Variants in OSBPL9 observed in about 807,000 individuals in gnomAD.
OSBPL9 encodes the protein oxysterol-binding protein-related protein 9.
Under a neutral mutation model 106.6 loss-of-function variants are expected in OSBPL9, and 40 were observed. That is an observed-to-expected ratio of 0.38 (90% CI 0.29 to 0.49). OSBPL9 has a LOEUF of 0.49. Ranked by LOEUF, OSBPL9 falls within the 20% of genes least tolerant of loss-of-function variation. The pLI is 0.97. For synonymous variants in OSBPL9, 269 were observed against 295.4 expected (o/e 0.91, Z 0.92); for missense variants, 609 against 887.2 (o/e 0.69, Z 3.98).
chr1:51,717,818 A>G (rs1475246555), intron 4 of OSBPL9, among the ~76,000 whole-genome samples: 5 of 152,164 alleles, frequency 3.3e-5, no homozygotes, highest in Admixed American at 3.3e-4. Context: ...TCAAAAAACT[A>G]AAAATAGAGC....
intron 12 of OSBPL9, among the ~76,000 whole-genome samples, chr1:51,770,422 C>T (rs1387254539): frequency 2.6e-5 from 4 of 152,086 alleles, no homozygotes; most frequent in Non-Finnish European, 2.9e-5. Flanking sequence ...GGATTACAAG[C>T]CTGAGCCACC....
At chr1:51,745,371 C>T in intron 4 of OSBPL9, 165 bp from the exon 5 acceptor site, 1 of 941,196 alleles carries the variant, frequency 1.1e-6, no homozygotes, top group South Asian at 1.9e-5. Context: ...ATTGATGTAC[C>T]ACTGTTTAAA....
the OSBPL9 span, among the ~76,000 whole-genome samples, chr1:51,559,396 TTC>T: frequency 1.3e-4 from 19 of 150,272 alleles, no homozygotes; most frequent in Admixed American, 6.0e-4. Context: ...TTGTGCAGAA[TTC>T]TCTCTCTCTC....
At chr1:51,536,257 G>A in the OSBPL9 span, among the ~76,000 whole-genome samples, 1 of 151,960 alleles carries the variant, frequency 6.6e-6, no homozygotes, top group Non-Finnish European at 1.5e-5. Flanking sequence ...GCCTGATCCA[G>A]GTAATGCATT....
intron 2 of OSBPL9, among the ~76,000 whole-genome samples, chr1:51,653,291 A>G (rs1646632465): frequency 6.6e-6 from 1 of 152,088 alleles, no homozygotes; most frequent in Non-Finnish European, 1.5e-5. Flanking sequence ...GTCACCAGTC[A>G]GTCTGGTATT....
chr1:51,681,994 G>A (rs1256570204), intron 3 of OSBPL9, among the ~76,000 whole-genome samples: 1 of 152,074 alleles, frequency 6.6e-6, no homozygotes, highest in Non-Finnish European at 1.5e-5. Flanking sequence ...CTGAGGTCAG[G>A]AGTTCGAAAC....
chr1:51,720,482 C>T (rs755154759), intron 4 of OSBPL9, among the ~76,000 whole-genome samples: 1 of 151,906 alleles, frequency 6.6e-6, no homozygotes, highest in East Asian at 1.9e-4. Flanking sequence ...TGCACCACGA[C>T]GCCCAGCTGA....
chr1:51,713,902 CCTTTT>C, intron 3 of OSBPL9, 96 bp from the exon 4 acceptor site: 1 of 935,702 alleles, frequency 1.1e-6, no homozygotes, highest in Non-Finnish European at 1.6e-6. Flanking sequence ...CAACTAAAAA[CCTTTT>C]CTGTTAGCCA....
the OSBPL9 span, among the ~76,000 whole-genome samples, chr1:51,533,996 G>T: frequency 6.6e-6 from 1 of 151,786 alleles, no homozygotes; most frequent in South Asian, 2.1e-4. Context: ...CATGAGGTCA[G>T]GAGTTCGAGA....
chr1:51,718,831 C>T (rs1557735347), intron 4 of OSBPL9, among the ~76,000 whole-genome samples: 1 of 152,176 alleles, frequency 6.6e-6, no homozygotes, highest in Non-Finnish European at 1.5e-5. Flanking sequence ...TTCTTAGTGA[C>T]TTCACCTGTA....
At chr1:51,659,238 A>G (rs964450043) in intron 2 of OSBPL9, among the ~76,000 whole-genome samples, 6 of 152,170 alleles carry the variant, frequency 3.9e-5, no homozygotes, top group African/African-American at 1.4e-4. Context: ...CATAGATAAC[A>G]TTCTTTGACA....
chr1:51,776,767 T>G, intron 14 of OSBPL9, 66 bp from the exon 15 acceptor site: 1 of 1,061,168 alleles, frequency 9.4e-7, no homozygotes, highest in Non-Finnish European at 1.4e-6. Flanking sequence ...TTTCTTTTTT[T>G]TTTTTTTAGT....
the OSBPL9 span, among the ~76,000 whole-genome samples, chr1:51,538,166 C>A: frequency 1.3e-5 from 2 of 152,068 alleles, no homozygotes; most frequent in African/African-American, 4.8e-5. Context: ...GTAGTGCATG[C>A]CTGTAATCCC....
intron 3 of OSBPL9, among the ~76,000 whole-genome samples, chr1:51,704,078 G>A (rs1248953591): frequency 6.6e-6 from 1 of 152,184 alleles, no homozygotes; most frequent in Non-Finnish European, 1.5e-5. Context: ...GTTCATCAGG[G>A]ATATTGGTCT....
the OSBPL9 span, among the ~76,000 whole-genome samples, chr1:51,528,765 C>T: frequency 1.3e-5 from 2 of 151,976 alleles, no homozygotes; most frequent in Non-Finnish European, 2.9e-5. Context: ...CCCAGCTCCT[C>T]AGGGGGCTAA....
intron 1 of OSBPL9, among the ~76,000 whole-genome samples, chr1:51,620,831 T>C (rs921260956): frequency 3.3e-5 from 5 of 152,164 alleles, no homozygotes; most frequent in African/African-American, 4.8e-5. Context: ...GAAAAATCTT[T>C]TATTATAGAA....
intron 3 of OSBPL9, among the ~76,000 whole-genome samples, chr1:51,681,097 T>G (rs1652453471): frequency 6.6e-6 from 1 of 152,202 alleles, no homozygotes; most frequent in Admixed American, 6.5e-5. Flanking sequence ...ATTAACGCTA[T>G]TTATTATTTC....
At chr1:51,618,533 A>G (rs1056104694) in intron 1 of OSBPL9, among the ~76,000 whole-genome samples, 7 of 152,212 alleles carry the variant, frequency 4.6e-5, no homozygotes, top group Non-Finnish European at 1.0e-4. Context: ...AAACATGATT[A>G]TGGAAGAAGG....
intron 4 of OSBPL9, among the ~76,000 whole-genome samples, chr1:51,726,209 C>T (rs776591274): frequency 6.6e-6 from 1 of 152,170 alleles, no homozygotes; most frequent in Non-Finnish European, 1.5e-5. Context: ...TTGTGATTCT[C>T]TATATTTGCC....
Sources: gnomAD v4.1 joint callset for allele counts (sites outside exome capture counted in the v4.1 genomes callset) on GRCh38, gnomAD v4.1.1 for gene constraint, MANE v1.5 for transcripts, NCBI Gene and HGNC (gene_info 2026-07-23, HGNC 2026-07-21) for gene names.